DOCK7: variants seen among roughly 807,000 people sequenced by gnomAD.
DOCK7 encodes the protein dedicator of cytokinesis protein 7.
A neutral mutation model predicts 271.0 loss-of-function variants in DOCK7; 138 were observed. That is an observed-to-expected ratio of 0.51 (90% CI 0.44 to 0.59). The LOEUF (loss-of-function observed/expected upper bound fraction) is 0.59. Among genes scored for constraint, DOCK7 ranks in the 20% least tolerant of loss-of-function variants. DOCK7 has a pLI of 0.00. For missense variants in DOCK7, 2,066 were observed against 2,592.4 expected (o/e 0.80, Z 4.41); for synonymous variants, 823 against 876.1 (o/e 0.94, Z 1.07).
At chr1:62,516,936 T>C (rs911352146) in intron 31 of DOCK7, 2 of 152,434 alleles carry the variant, frequency 1.3e-5, no homozygotes, top group Non-Finnish European at 2.9e-5. Flanking sequence ...TAAGAACACA[T>C]GTATCTTTGT....
chr1:62,501,376 TAGAA>T (rs1205710636), intron 37 of DOCK7, among the ~76,000 whole-genome samples: 1 of 152,164 alleles, frequency 6.6e-6, no homozygotes, highest in South Asian at 2.1e-4. Context: ...AGAAAGGAGA[TAGAA>T]AGAAGTACTT....
chr1:62,567,545 TG>T (rs897140346), intron 18 of DOCK7, among the ~76,000 whole-genome samples: 3 of 135,498 alleles, frequency 2.2e-5, no homozygotes, highest in Admixed American at 7.5e-5. Flanking sequence ...TGGGGCCTGT[TG>T]GGGGGTGGAG....
At chr1:62,651,116 T>TA (rs1396817444) in intron 4 of DOCK7, among the ~76,000 whole-genome samples, 1 of 151,286 alleles carries the variant, frequency 6.6e-6, no homozygotes, top group African/African-American at 2.4e-5. Context: ...TATGCAGCCA[T>TA]AAAAAAGGAT....
intron 28 of DOCK7, 31 bp from the exon 29 acceptor site, chr1:62,535,663 A>G (rs1297949360): frequency 1.2e-6 from 2 of 1,604,492 alleles, no homozygotes; most frequent in East Asian, 4.5e-5. Context: ...ACAAGACTAT[A>G]ACAGCAGTGC....
chr1:62,528,912 T>C (rs1645092824), intron 30 of DOCK7, among the ~76,000 whole-genome samples: 1 of 152,236 alleles, frequency 6.6e-6, no homozygotes, highest in Non-Finnish European at 1.5e-5. Context: ...TTCAAGTGAA[T>C]ATTCATTTCA....
intron 31 of DOCK7, chr1:62,516,925 A>G (rs539554685): frequency 1.3e-5 from 2 of 152,586 alleles, no homozygotes; most frequent in African/African-American, 4.8e-5. Flanking sequence ...TCATAGATGT[A>G]TAAGAACACA....
At chr1:62,495,417 C>A (rs949903187) in intron 39 of DOCK7, 164 bp downstream of exon 39, 11 of 454,534 alleles carry the variant, frequency 2.4e-5, no homozygotes, top group African/African-American at 1.5e-4. Context: ...TATGGTAAAA[C>A]CCCATCTCTA....
At position 62,604,184 on chromosome 1, in the gene DOCK7, A is replaced by T. The variant is rs368728000; in HGVS notation, c.1682+14522T>A. 7.5e-5 allele frequency: 121 copies of T among 1,613,360 alleles called. No homozygotes were observed. Among genetic ancestry groups the T allele is most frequent in the Middle Eastern group, 1.7e-4 (1 of 6,058 alleles). On this transcript the variant is annotated intron_variant, in intron 14 of 49. Coordinates refer to ENST00000635253, the MANE Select transcript of DOCK7 (RefSeq NM_001367561.1). Reference sequence around the variant, plus strand: ...GGAAAACAAAGATTTGGTGTTTTCTACTTGGGATCACAAAGCAAAAGGACA... The same window carrying T: ...GGAAAACAAAGATTTGGTGTTTTCTTCTTGGGATCACAAAGCAAAAGGACA...
intron 49 of DOCK7, among the ~76,000 whole-genome samples, chr1:62,455,898 TATGG>T (rs757803379): frequency 9.2e-5 from 14 of 152,202 alleles, no homozygotes; most frequent in Non-Finnish European, 2.1e-4. Context: ...GTGGGCTATA[TATGG>T]ATGTTTATCA....
At chr1:62,497,063 A>G (rs1168036) in intron 37 of DOCK7, among the ~76,000 whole-genome samples, 88,622 of 151,838 alleles carry the variant, frequency 0.58, 27,518 homozygotes, top group East Asian at 0.76. Context: ...ATTGGTGATA[A>G]TATATCAATT....
intron 14 of DOCK7, chr1:62,598,088 G>A: frequency 1.3e-6 from 2 of 1,545,718 alleles, no homozygotes; most frequent in Non-Finnish European, 1.7e-6. Flanking sequence ...GAGGGTTCAT[G>A]TTTATGTTTT....
At chr1:62,616,242 G>A (rs917119390) in intron 14 of DOCK7, among the ~76,000 whole-genome samples, 2 of 151,646 alleles carry the variant, frequency 1.3e-5, no homozygotes, top group Non-Finnish European at 3.0e-5. Context: ...CACTTGGTAT[G>A]AGCGCATTAC....
At chr1:62,581,470 T>C (rs1349303075) in intron 16 of DOCK7, among the ~76,000 whole-genome samples, 1 of 152,114 alleles carries the variant, frequency 6.6e-6, no homozygotes, top group Non-Finnish European at 1.5e-5. Context: ...GAGTCAAGGA[T>C]AGATATATGA....
chr1:62,583,339 A>G (rs1212892166), intron 15 of DOCK7, 85 bp from the exon 16 acceptor site: 11 of 1,302,560 alleles, frequency 8.4e-6, no homozygotes, highest in Non-Finnish European at 1.2e-5. Flanking sequence ...CTGATTTAAT[A>G]ACTATTTGAG....
intron 9 of DOCK7, 56 bp from the exon 10 acceptor site, chr1:62,633,634 T>C (rs191365823): frequency 1.9e-5 from 23 of 1,235,002 alleles, no homozygotes; most frequent in Admixed American, 1.5e-4. Flanking sequence ...AATTCAAGGA[T>C]GGTTCAATAT....
intron 48 of DOCK7, among the ~76,000 whole-genome samples, chr1:62,465,978 A>T (rs1385530024): frequency 6.6e-6 from 1 of 152,198 alleles, no homozygotes; most frequent in African/African-American, 2.4e-5. Flanking sequence ...AGGCAAAGGG[A>T]AGGTAAAGGA....
intron 14 of DOCK7, chr1:62,598,173 T>C: frequency 9.4e-7 from 1 of 1,060,686 alleles, no homozygotes; most frequent in Non-Finnish European, 1.3e-6. Flanking sequence ...TGAAATACTT[T>C]TTTTTCCAAG....
chr1:62,606,278 A>G (rs1373163491), intron 14 of DOCK7: 5 of 151,690 alleles, frequency 3.3e-5, no homozygotes, highest in Non-Finnish European at 7.4e-5. Flanking sequence ...ATAATTCATT[A>G]TTTAATATAT....
chr1:62,517,988 C>T (rs1044669554), intron 31 of DOCK7, among the ~76,000 whole-genome samples: 5 of 152,148 alleles, frequency 3.3e-5, no homozygotes, highest in South Asian at 2.1e-4. Context: ...TATTTTCTAA[C>T]GGACTGCTAT....
Sources: gnomAD v4.1 joint callset for allele counts (sites outside exome capture counted in the v4.1 genomes callset) on GRCh38, gnomAD v4.1.1 for gene constraint, MANE v1.5 for transcripts, NCBI Gene and HGNC (gene_info 2026-07-23, HGNC 2026-07-21) for gene names.